Variants in SVEP1 observed in about 807,000 individuals in gnomAD.
The protein encoded by SVEP1 is sushi, von Willebrand factor type A, EGF and pentraxin domain containing 1.
Under a neutral mutation model 367.3 loss-of-function variants are expected in SVEP1, and 164 were observed. The observed-to-expected ratio is 0.45, with a 90% confidence interval of 0.39 to 0.51. The LOEUF (loss-of-function observed/expected upper bound fraction) is 0.51. SVEP1 is among the 20% of genes least tolerant of loss of function. The pLI is 0.00. For synonymous variants in SVEP1, 1,666 were observed against 1,611.6 expected (o/e 1.03, Z -0.81); for missense variants, 4,117 against 4,425.3 (o/e 0.93, Z 1.98).
chr9:110,513,270 C>G (rs1406219558), intron 4 of SVEP1, among the ~76,000 whole-genome samples, 165 bp from the exon 5 acceptor site: 1 of 151,814 alleles, frequency 6.6e-6, no homozygotes, highest in Non-Finnish European at 1.5e-5. Flanking sequence ...GAAGAAGAAC[C>G]CTTATATCTG....
At chr9:110,486,950 C>T in intron 9 of SVEP1, among the ~76,000 whole-genome samples, 1 of 150,652 alleles carries the variant, frequency 6.6e-6, no homozygotes, top group Admixed American at 6.6e-5. Flanking sequence ...TGGACCTTCT[C>T]TCTCTCTCTC....
At chr9:110,375,283 TCTGA>T (rs1454792441) in intron 46 of SVEP1, 81 bp downstream of exon 46, 9 of 670,344 alleles carry the variant, frequency 1.3e-5, no homozygotes, top group South Asian at 7.9e-5. Flanking sequence ...TGCCACCACT[TCTGA>T]GTCTAAGTCA....
intron 45 of SVEP1, among the ~76,000 whole-genome samples, chr9:110,376,210 T>C (rs1182348130): frequency 2.0e-5 from 3 of 152,150 alleles, no homozygotes; most frequent in Non-Finnish European, 4.4e-5. Context: ...ATGATCTGTA[T>C]GCATAGCAAA....
chr9:110,437,176 C>A (rs2118572747), intron 27 of SVEP1, among the ~76,000 whole-genome samples: 1 of 152,230 alleles, frequency 6.6e-6, no homozygotes, highest in Non-Finnish European at 1.5e-5. Flanking sequence ...CAATGAAGAG[C>A]CAGCATGAGA....
At chr9:110,487,833 G>A (rs1829306472) in intron 9 of SVEP1, among the ~76,000 whole-genome samples, 1 of 152,126 alleles carries the variant, frequency 6.6e-6, no homozygotes, top group South Asian at 2.1e-4. Flanking sequence ...AAGAAATTGA[G>A]GTATAGAGCA....
chr9:110,514,103 C>T lies in SVEP1; in HGVS notation c.968G>A (p.Cys323Tyr), dbSNP rs1290349708. 6.2e-7 allele frequency: 1 copy of T among 1,608,680 alleles called. No homozygotes were observed. The highest frequency in any genetic ancestry group is 1.1e-5 in the South Asian group (1 of 89,836). The change falls in exon 4 of 48, where the codon TGC (cysteine) becomes TAC (tyrosine). Residue 323 changes from cysteine to tyrosine, a missense_variant. Coordinates refer to ENST00000374469, the MANE Select transcript of SVEP1 (RefSeq NM_153366.4). ...GKGLQYECTA[C>Y]PSGTYKPEGS... ...TTCAGGTTTGTATGTCCCCGATGGGCAAGCTGTGGGCAGACAAGCCGGAGA... is the reference window on the plus strand; with the variant it reads ...TTCAGGTTTGTATGTCCCCGATGGGTAAGCTGTGGGCAGACAAGCCGGAGA...
rs374226579 is a variant in SVEP1, at chr9:110,406,303, A to G, written c.9297T>C (p.Ser3099=). ...CTTTCTCTGTACAAATCAGATCTGA[A>G]CTGCCTTGTATGACATATCCAGACC... is the stretch of plus-strand genomic sequence containing the variant. The part of the protein sequence containing the change: ...SCRSGYVIQG[S]SDLICTEKGV... Residue 3099 remains serine (S), a synonymous_variant, in exon 38 of 48, where the codon AGT becomes AGC. Coordinates refer to ENST00000374469, the MANE Select transcript of SVEP1 (RefSeq NM_153366.4). 31 of 1,613,932 alleles carry G rather than the reference A, an allele frequency of 1.9e-5. No homozygotes were observed. The highest frequency in any genetic ancestry group is 2.5e-5 in the Non-Finnish European group (29 of 1,179,914).
At chr9:110,530,597 T>C (rs79248754) in intron 3 of SVEP1, among the ~76,000 whole-genome samples, 2 of 152,262 alleles carry the variant, frequency 1.3e-5, no homozygotes, top group Non-Finnish European at 2.9e-5. Flanking sequence ...AGTGCAGTGA[T>C]ATGGTCTTGG....
At position 110,579,709 on chromosome 9, in the gene SVEP1, A is replaced by C; in HGVS notation, c.-166T>G. 2.6e-6 allele frequency: 2 copies of C among 770,756 alleles called. No individual in the cohort carries two copies. The highest frequency in any genetic ancestry group is 3.8e-6 in the Non-Finnish European group (2 of 528,964). The allele number at this position is 770,756 out of a possible 1,614,324, so 47.7% of individuals were successfully genotyped here. A position where few individuals can be genotyped will look rare whatever the true frequency, so the allele number is the denominator to read the frequency against. The stretch of plus-strand genomic sequence containing the variant: ...GACACTGGGGACAGACACAATCCAG[A>C]CTCCTCAGCAGCTCGGGAACTCCGG... On this transcript the variant is annotated 5_prime_UTR_variant, in exon 1 of 48. Transcript: ENST00000374469. This position sits in a 1 kb window ranked among gnomAD's most constrained non-coding sequence, Gnocchi z 5.3.
intron 13 of SVEP1, among the ~76,000 whole-genome samples, chr9:110,478,421 A>C (rs2118690600): frequency 6.6e-6 from 1 of 152,336 alleles, no homozygotes; most frequent in African/African-American, 2.4e-5. Flanking sequence ...TATTAAATGA[A>C]TACATAAGCA....
rs1189054005 is a variant in SVEP1 at position 110,408,660 on chromosome 9, ACTT to A, written c.6937_6939del (p.Lys2313del). On this transcript the variant is annotated inframe_deletion, in exon 38 of 48. Transcript: ENST00000374469. ...TTGGCAGGCATGCACTTTGGATTTG[ACTT>A]CTTATTCCATTTGCCAGATTTCTGA... 1 of 1,613,986 alleles carries A rather than the reference ACTT, an allele frequency of 6.2e-7. No individual in the cohort carries two copies. The highest frequency in any genetic ancestry group is 8.5e-7 in the Non-Finnish European group (1 of 1,179,884).
In SVEP1 at chr9:110,458,567, T is replaced by C; in HGVS notation, c.3485-5A>G. On this transcript the variant is annotated splice_region_variant and splice_polypyrimidine_tract_variant and intron_variant, in intron 19 of 47. Transcript: ENST00000374469. ...CTGAGAAAGTTGAACTAAAACCTAA[T>C]CAATTAATAGAAAAACATGTCAGTG... The C allele has an allele frequency of 6.2e-7, 1 of 1,605,852 alleles. No individual in the cohort carries two copies. The highest frequency in any genetic ancestry group is 8.5e-7 in the Non-Finnish European group (1 of 1,176,032).
chr9:110,507,542 A>T (rs929514413), intron 5 of SVEP1, among the ~76,000 whole-genome samples: 4 of 152,240 alleles, frequency 2.6e-5, no homozygotes, highest in African/African-American at 9.6e-5. Context: ...AGATTAGATC[A>T]TAAACCCTAG....
At chr9:110,497,988 T>C (rs544090227) in intron 7 of SVEP1, among the ~76,000 whole-genome samples, 7 of 152,334 alleles carry the variant, frequency 4.6e-5, no homozygotes, top group African/African-American at 1.4e-4. Context: ...TAAAAAGTAT[T>C]TGATTTTTCA....
intron 1 of SVEP1, among the ~76,000 whole-genome samples, chr9:110,565,103 T>G (rs577835558): frequency 1.6e-4 from 25 of 152,300 alleles, no homozygotes; most frequent in Admixed American, 1.4e-3. Flanking sequence ...GTTTTGTTTT[T>G]TACCTGAAGA....
rs989797834 is a variant in SVEP1 at position 110,379,342 on chromosome 9, C to T, written c.10408+5G>A. On this transcript the variant is annotated splice_donor_5th_base_variant and intron_variant, in intron 44 of 47. Coordinates refer to ENST00000374469, the MANE Select transcript of SVEP1 (RefSeq NM_153366.4). ...TAAGAAATAACCATTCAAATATTTC[C>T]TTACCTCTGCAAATAGGAGGTGATG... The T allele has an allele frequency of 9.3e-6, 15 of 1,612,844 alleles. No homozygotes were observed. The highest frequency in any genetic ancestry group is 1.2e-5 in the Non-Finnish European group (14 of 1,179,416).
chr9:110,445,699 C>T (rs1182766697), intron 26 of SVEP1, 138 bp downstream of exon 26: 1 of 858,940 alleles, frequency 1.2e-6, no homozygotes. Context: ...TGTTCAGATG[C>T]TCCATTTGAT....
intron 9 of SVEP1, among the ~76,000 whole-genome samples, chr9:110,488,864 T>G (rs1361800213): frequency 6.6e-6 from 1 of 152,020 alleles, no homozygotes; most frequent in East Asian, 1.9e-4. Flanking sequence ...GAGGACGGAG[T>G]GAGACCCTGT....
chr9:110,533,575 G>T (rs1830045915), intron 3 of SVEP1, among the ~76,000 whole-genome samples: 1 of 132,060 alleles, frequency 7.6e-6, no homozygotes, highest in African/African-American at 2.8e-5. Context: ...GGATACCCGG[G>T]GTTACTATCT....
Sources: allele counts gnomAD v4.1 joint callset (sites outside exome capture counted in the v4.1 genomes callset), GRCh38; gene constraint gnomAD v4.1.1; non-coding constraint Gnocchi (gnomAD v3.1); transcripts MANE v1.5; gene names NCBI Gene and HGNC (gene_info 2026-07-23, HGNC 2026-07-21).